The following ERICH6B variants were observed in gnomAD, a reference collection of about 807,000 sequenced individuals.
ERICH6B encodes the protein glutamate rich 6B.
A neutral mutation model predicts 80.0 loss-of-function variants in ERICH6B; 69 were observed. That is an observed-to-expected ratio of 0.86 (90% confidence interval 0.71 to 1.05). The LOEUF (loss-of-function observed/expected upper bound fraction) is 1.05. Among genes scored for constraint, ERICH6B ranks in the 50% least tolerant of loss-of-function variants. ERICH6B has a pLI of 0.00. For missense variants in ERICH6B, 754 were observed against 796.1 expected (o/e 0.95, Z 0.64); for synonymous variants, 283 against 291.9 (o/e 0.97, Z 0.31).
chr13:45,542,633 C>T (rs1486468309), intron 14 of ERICH6B, among the ~76,000 whole-genome samples: 8 of 152,210 alleles, frequency 5.3e-5, no homozygotes, highest in Admixed American at 3.9e-4. Context: ...CTCCTCCCTC[C>T]GCCATTCAAA....
intron 5 of ERICH6B, among the ~76,000 whole-genome samples, chr13:45,584,381 T>G (rs1318532417): frequency 6.6e-6 from 1 of 152,184 alleles, no homozygotes; most frequent in Non-Finnish European, 1.5e-5. Flanking sequence ...TACCTGGGTA[T>G]TTTTTCCTCC....
intron 13 of ERICH6B, 60 bp from the exon 14 acceptor site, chr13:45,545,045 C>T (rs1489220223): frequency 2.3e-6 from 3 of 1,312,696 alleles, no homozygotes; most frequent in Non-Finnish European, 3.2e-6. Context: ...CTCTGCTCCT[C>T]CTCTTCTCCT....
Position 45,588,937 on chromosome 13 carries a change from C to T in ERICH6B, c.687-1705G>A, listed in dbSNP as rs561513123. Among the ~76,000 whole-genome samples, 71 of 152,112 alleles carry T rather than the reference C, an allele frequency of 4.7e-4. 1 individual carries two copies. The highest frequency in any genetic ancestry group is 4.4e-3 in the South Asian group (21 of 4,812). ...GAGGCCTGCTTCTGTAGTGCTTTAG[C>T]GAGGGGAGGGCCGGGCATGTGCCTG... On this transcript the variant is annotated intron_variant, in intron 4 of 14. Transcript: ENST00000298738.
At chr13:45,609,180 G>C (rs1433356929) in intron 1 of ERICH6B, among the ~76,000 whole-genome samples, 1 of 152,154 alleles carries the variant, frequency 6.6e-6, no homozygotes, top group Non-Finnish European at 1.5e-5. Flanking sequence ...CTTCTATGTT[G>C]CTCCCAGCCA....
At chr13:45,585,660 C>T (rs74968527) in intron 5 of ERICH6B, among the ~76,000 whole-genome samples, 4,593 of 152,254 alleles carry the variant, frequency 0.03, 212 homozygotes, top group African/African-American at 0.1. Flanking sequence ...CCACCAATGT[C>T]ACAATATTTG....
At chr13:45,577,561 C>T (rs1875472735) in intron 7 of ERICH6B, among the ~76,000 whole-genome samples, 1 of 152,072 alleles carries the variant, frequency 6.6e-6, no homozygotes, top group African/African-American at 2.4e-5. Flanking sequence ...GGATTAAGAA[C>T]AAATCTTAAC....
At position 45,541,342 on chromosome 13, in the gene ERICH6B, G is replaced by A. The variant is rs954275284; in HGVS notation, c.*120C>T. ...TACTTCAAATCAAGGAGCCACGACA[G>A]GTCCCAAATTACAAACCAACTCTCA... is the stretch of plus-strand genomic sequence containing the variant. On this transcript the variant is annotated 3_prime_UTR_variant, in exon 15 of 15. Coordinates refer to ENST00000298738, the MANE Select transcript of ERICH6B (RefSeq NM_182542.3). 1.7e-5 allele frequency: 14 copies of A among 826,200 alleles called. No individual in the cohort carries two copies. Among genetic ancestry groups the A allele is most frequent in the Non-Finnish European group, 3.8e-6 (2 of 528,528 alleles). 51.2% of individuals were successfully genotyped at this position (826,200 alleles called of 1,614,324 possible).
At chr13:45,566,588 C>T (rs2064870419) in intron 9 of ERICH6B, among the ~76,000 whole-genome samples, 1 of 152,234 alleles carries the variant, frequency 6.6e-6, no homozygotes, top group African/African-American at 2.4e-5. Flanking sequence ...AAACCCCAAG[C>T]CTTGGCAGCT....
At chr13:45,614,384 A>G (rs2138045253) in intron 1 of ERICH6B, among the ~76,000 whole-genome samples, 1 of 152,248 alleles carries the variant, frequency 6.6e-6, no homozygotes. Context: ...CACCCATGAG[A>G]CTGTAGCCCG....
At chr13:45,583,792 G>A (rs1875776960) in intron 5 of ERICH6B, among the ~76,000 whole-genome samples, 1 of 152,144 alleles carries the variant, frequency 6.6e-6, no homozygotes, top group Non-Finnish European at 1.5e-5. Context: ...TTTCCCTTCT[G>A]CCATGATTGT....
rs1340095414 is a variant in ERICH6B at position 45,549,922 on chromosome 13, AGCATTGCC to A, written c.1609_1616del (p.Gly537TyrfsTer4). The A allele has an allele frequency of 6.4e-7, 1 of 1,551,310 alleles. No homozygotes were observed. Among genetic ancestry groups the A allele is most frequent in the East Asian group, 2.4e-5 (1 of 40,938 alleles). On this transcript the variant is annotated frameshift_variant, in exon 13 of 15. Coordinates refer to ENST00000298738, the MANE Select transcript of ERICH6B (RefSeq NM_182542.3). LOFTEE classifies it high-confidence loss of function. Reference sequence around the variant, plus strand: ...TATCACTATTTTCATCATAGAAGGTAGCATTGCCTGAGTTGTTGATAAGGGCCCGGATC... The same window carrying A: ...TATCACTATTTTCATCATAGAAGGTATGAGTTGTTGATAAGGGCCCGGATC...
At chr13:45,574,669 T>G (rs957879887) in intron 8 of ERICH6B, among the ~76,000 whole-genome samples, 173 bp downstream of exon 8, 23 of 152,172 alleles carry the variant, frequency 1.5e-4, no homozygotes, top group Non-Finnish European at 1.5e-5. Context: ...TCTGTGCTTG[T>G]TGGAGTTTCT....
At chr13:45,556,802 C>T (rs1368966126) in intron 11 of ERICH6B, among the ~76,000 whole-genome samples, 1 of 151,954 alleles carries the variant, frequency 6.6e-6, no homozygotes, top group Non-Finnish European at 1.5e-5. Flanking sequence ...CACACACATA[C>T]ACACACACCA....
At chr13:45,550,198 T>A in intron 12 of ERICH6B, 33 bp downstream of exon 12, 2 of 1,544,936 alleles carry the variant, frequency 1.3e-6, no homozygotes, top group South Asian at 2.4e-5. Flanking sequence ...CCAATATATG[T>A]CAATACGAGC....
At chr13:45,581,987 G>C (rs1875691707) in intron 5 of ERICH6B, among the ~76,000 whole-genome samples, 1 of 152,204 alleles carries the variant, frequency 6.6e-6, no homozygotes, top group Non-Finnish European at 1.5e-5. Flanking sequence ...GATTGCATTA[G>C]TGTCCTATTC....
intron 14 of ERICH6B, among the ~76,000 whole-genome samples, chr13:45,542,101 T>C (rs1873804354): frequency 6.6e-6 from 1 of 151,494 alleles, no homozygotes; most frequent in South Asian, 2.1e-4. Flanking sequence ...TCCTTGGGAG[T>C]GTATCTGGGT....
intron 13 of ERICH6B, among the ~76,000 whole-genome samples, chr13:45,545,320 C>T (rs1873951238): frequency 6.6e-6 from 1 of 152,212 alleles, no homozygotes; most frequent in African/African-American, 2.4e-5. Context: ...TCCTCTAGGT[C>T]TCAGCTTAGA....
At chr13:45,561,966 A>G (rs964143626) in intron 10 of ERICH6B, among the ~76,000 whole-genome samples, 4 of 152,202 alleles carry the variant, frequency 2.6e-5, no homozygotes, top group African/African-American at 4.8e-5. Flanking sequence ...AAAAGGTAAA[A>G]TGGAAGTGTA....
chr13:45,547,208 G>A (rs1453198908), intron 13 of ERICH6B, among the ~76,000 whole-genome samples: 1 of 152,172 alleles, frequency 6.6e-6, no homozygotes, highest in Non-Finnish European at 1.5e-5. Flanking sequence ...TCTATACACA[G>A]CAATAACTGA....
Sources: gnomAD v4.1 joint callset for allele counts (sites outside exome capture counted in the v4.1 genomes callset) on GRCh38, gnomAD v4.1.1 for gene constraint, MANE v1.5 for transcripts, NCBI Gene and HGNC (gene_info 2026-07-23, HGNC 2026-07-21) for gene names.